ZC3H12B: variants seen among roughly 807,000 people sequenced by gnomAD.
ZC3H12B encodes the protein zinc finger CCCH-type containing 12B, also known as probable ribonuclease ZC3H12B.
In ZC3H12B, 7 loss-of-function variants were observed where a neutral mutation model predicts 43.9. The observed-to-expected ratio is 0.16, with a 90% CI of 0.09 to 0.30. The LOEUF (loss-of-function observed/expected upper bound fraction) is 0.30. Ranked by LOEUF, ZC3H12B falls within the 10% of genes least tolerant of loss-of-function variation. The probability of loss-of-function intolerance (pLI) is 1.00; values close to 1 mark genes in which losing one functional copy is unlikely to be tolerated. For missense variants in ZC3H12B, 475 were observed against 670.2 expected, an observed-to-expected ratio of 0.71 and a Z score of 3.22; for synonymous variants, 222 against 241.7, an observed-to-expected ratio of 0.92 and a Z score of 0.76.
chrX:65,306,646 A>T, the ZC3H12B span, among the ~76,000 whole-genome samples: 1 of 112,031 alleles, frequency 8.9e-6, no homozygotes, highest in South Asian at 3.7e-4. Flanking sequence ...AAGTGCTAGG[A>T]TTACAGGCAT....
chrX:65,251,752 A>G, the ZC3H12B span, among the ~76,000 whole-genome samples: 1 of 111,455 alleles, frequency 9.0e-6, no homozygotes, highest in African/African-American at 3.3e-5. Context: ...TTATTGGTGT[A>G]TAAGAATGCT....
At chrX:65,178,680 T>C in the ZC3H12B span, among the ~76,000 whole-genome samples, 2 of 112,529 alleles carry the variant, frequency 1.8e-5, no homozygotes, top group Non-Finnish European at 3.8e-5. Context: ...ACACTAGTCA[T>C]TAGAGAATGG....
intron 3 of ZC3H12B, chrX:65,470,325 G>A (rs1190486813): frequency 8.8e-6 from 1 of 113,403 alleles, no homozygotes; most frequent in East Asian, 2.9e-4. Context: ...AGGTTATCAG[G>A]TCTTGCCCTG....
chrX:65,483,806 T>A (rs1246623486), upstream of ZC3H12B, among the ~76,000 whole-genome samples: 5 of 112,342 alleles, frequency 4.5e-5, no homozygotes, highest in African/African-American at 1.6e-4. Context: ...GCTAATTATA[T>A]GTGTTCTCAT....
chrX:65,412,497 T>C (rs1380259952), intron 3 of ZC3H12B, among the ~76,000 whole-genome samples: 1 of 111,646 alleles, frequency 9.0e-6, no homozygotes, highest in Non-Finnish European at 1.9e-5. Flanking sequence ...AGGGTTTCAC[T>C]CGCCCTGTTC....
chrX:65,415,110 C>A (rs943424430), intron 3 of ZC3H12B, among the ~76,000 whole-genome samples: 1 of 112,203 alleles, frequency 8.9e-6, no homozygotes, highest in Admixed American at 9.4e-5. Flanking sequence ...GCTTTCTGGT[C>A]ATGGGTGGAT....
rs765372331 is a variant in ZC3H12B, at chrX:65,476,474, G to A, written n.408-12172G>A. 1.2e-3 allele frequency among the ~76,000 whole-genome samples: 131 copies of A among 111,859 alleles called. 2 individuals are homozygous for A. The highest frequency in any genetic ancestry group is 4.1e-3 in the African/African-American group (125 of 30,798). On this transcript the variant is annotated intron_variant and non_coding_transcript_variant, in intron 3 of 5. Coordinates refer to the ZC3H12B transcript ENST00000617377. Reference sequence around the variant, plus strand: ...GTGAAAAGTACACACTCAAGAAAGAGGCGTGCAGGCATATTCAAGAGTCAG... The same window carrying A: ...GTGAAAAGTACACACTCAAGAAAGAAGCGTGCAGGCATATTCAAGAGTCAG...
At chrX:65,435,651 TAG>T in intron 3 of ZC3H12B, among the ~76,000 whole-genome samples, 1 of 87,069 alleles carries the variant, frequency 1.1e-5, no homozygotes, top group South Asian at 5.2e-4. Context: ...ATAGGATAGA[TAG>T]ATAGATAGAT....
chrX:65,083,601 A>T, the ZC3H12B span, among the ~76,000 whole-genome samples: 2 of 111,879 alleles, frequency 1.8e-5, no homozygotes, highest in East Asian at 5.6e-4. Flanking sequence ...AAGAAATTGA[A>T]GAGGACACCA....
intron 3 of ZC3H12B, among the ~76,000 whole-genome samples, chrX:65,401,696 G>T (rs763927701): frequency 2.7e-4 from 30 of 111,679 alleles, no homozygotes; most frequent in Non-Finnish European, 5.3e-4. Flanking sequence ...CTTTAGGAGA[G>T]TAATGGGAAA....
chrX:65,119,944 A>C, the ZC3H12B span, among the ~76,000 whole-genome samples: 2 of 111,794 alleles, frequency 1.8e-5, no homozygotes, highest in African/African-American at 3.3e-5. Flanking sequence ...TTTGTCAAAG[A>C]TCAGATGGTT....
the ZC3H12B span, among the ~76,000 whole-genome samples, chrX:65,053,725 C>T: frequency 9.0e-6 from 1 of 111,718 alleles, no homozygotes; most frequent in East Asian, 2.8e-4. Context: ...GTCCCACCAA[C>T]AGTGTAAAAG....
the ZC3H12B span, among the ~76,000 whole-genome samples, chrX:65,165,242 T>C: frequency 8.9e-6 from 1 of 112,201 alleles, no homozygotes; most frequent in Non-Finnish European, 1.9e-5. Context: ...AAAAATGTTA[T>C]TCTCCAGTTT....
At chrX:65,190,447 A>T in the ZC3H12B span, among the ~76,000 whole-genome samples, 1 of 111,126 alleles carries the variant, frequency 9.0e-6, no homozygotes, top group Non-Finnish European at 1.9e-5. Context: ...ATGTTCTTCC[A>T]TTTGTTTGTA....
At chrX:65,227,088 A>T in the ZC3H12B span, among the ~76,000 whole-genome samples, 1 of 111,556 alleles carries the variant, frequency 9.0e-6, no homozygotes, top group East Asian at 2.8e-4. Context: ...CATTTTTTTC[A>T]GCACCACACC....
intron 3 of ZC3H12B, among the ~76,000 whole-genome samples, chrX:65,444,222 C>A (rs1213463654): frequency 8.9e-6 from 1 of 112,027 alleles, no homozygotes; most frequent in African/African-American, 3.2e-5. Flanking sequence ...CATCTTATAA[C>A]CCATTATTTT....
the ZC3H12B span, among the ~76,000 whole-genome samples, chrX:65,337,733 G>A: frequency 8.9e-6 from 1 of 112,603 alleles, no homozygotes; most frequent in East Asian, 2.8e-4. Flanking sequence ...TGGAGAAACA[G>A]ATAAAAGATC....
intron 3 of ZC3H12B, among the ~76,000 whole-genome samples, chrX:65,451,515 A>G (rs1484077259): frequency 9.2e-6 from 1 of 108,584 alleles, no homozygotes; most frequent in Non-Finnish European, 1.9e-5. Context: ...TTTTATTTTT[A>G]TTTTATGTAG....
chrX:65,439,802 G>T (rs1216218581), intron 3 of ZC3H12B, among the ~76,000 whole-genome samples: 1 of 111,205 alleles, frequency 9.0e-6, no homozygotes, highest in Non-Finnish European at 1.9e-5. Context: ...CCTTAGGTGG[G>T]TGGCTGTGTT....
Sources: gnomAD v4.1 joint callset for allele counts (sites outside exome capture counted in the v4.1 genomes callset) on GRCh38, gnomAD v4.1.1 for gene constraint, MANE v1.5 for transcripts, NCBI Gene and HGNC (gene_info 2026-07-23, HGNC 2026-07-21) for gene names.